COL12A1: variants seen among roughly 807,000 people sequenced by gnomAD.
COL12A1 encodes the protein collagen alpha-1(XII) chain.
In COL12A1, 114 loss-of-function variants were observed where a neutral mutation model predicts 349.7. The observed-to-expected ratio is 0.33, with a 90% CI of 0.28 to 0.38. The LOEUF (loss-of-function observed/expected upper bound fraction) is 0.38, where lower values mean the gene tolerates loss of function less well. COL12A1 is among the 10% of genes least tolerant of loss of function. The pLI is 1.00. For synonymous variants in COL12A1, 1,369 were observed against 1,329.0 expected (o/e 1.03, Z -0.66); for missense variants, 3,284 against 3,756.9 (o/e 0.87, Z 3.29).
At chr6:75,134,327 T>G (rs936888353) in intron 32 of COL12A1, among the ~76,000 whole-genome samples, 2 of 152,158 alleles carry the variant, frequency 1.3e-5, no homozygotes, top group Admixed American at 6.5e-5. Flanking sequence ...CTCAGCATTT[T>G]GGGAGCCCAA....
At chr6:75,182,685 C>A (rs1401385901) in intron 10 of COL12A1, among the ~76,000 whole-genome samples, 2 of 152,178 alleles carry the variant, frequency 1.3e-5, no homozygotes, top group Non-Finnish European at 2.9e-5. Context: ...ATTCTCTTCA[C>A]CTTTGAGTTG....
intron 7 of COL12A1, 147 bp downstream of exon 7, chr6:75,189,070 C>T (rs901646030): frequency 1.2e-6 from 1 of 844,204 alleles, no homozygotes; most frequent in East Asian, 2.8e-5. Flanking sequence ...TACTTAAAGA[C>T]AATTTAAGTC....
Position 75,183,740 on chromosome 6 carries a change from T to TAA in COL12A1, c.1289-89_1289-88insTT, listed in dbSNP as rs200264422. 3,590 of 1,417,138 alleles carry TAA rather than the reference T, an allele frequency of 2.5e-3. 44 individuals carry two copies. In the African/African-American group the frequency reaches 0.07, roughly 28 times the overall value. 87.8% of individuals were successfully genotyped at this position (1,417,138 alleles called of 1,614,324 possible). A position where few individuals can be genotyped will look rare whatever the true frequency, so the allele number is the denominator to read the frequency against. ...TAGCTTTCTTAGTAAGCGTGCTTCT[T>TAA]TAAAAAAAAAACTATTGCAAATATT... On this transcript the variant is annotated intron_variant, in intron 9 of 65. Coordinates refer to ENST00000322507, the MANE Select transcript of COL12A1 (RefSeq NM_004370.6).
intron 13 of COL12A1, among the ~76,000 whole-genome samples, chr6:75,169,604 G>GT (rs201608903): frequency 1.4e-3 from 219 of 151,766 alleles, no homozygotes; most frequent in African/African-American, 5.1e-3. Context: ...TTTGTTTAGG[G>GT]TTTTTTTTGA....
intron 35 of COL12A1, 69 bp from the exon 36 acceptor site, chr6:75,131,050 A>C: frequency 6.3e-7 from 1 of 1,586,308 alleles, no homozygotes; most frequent in East Asian, 2.2e-5. Context: ...TCAGTTAGTC[A>C]TCACAATAGT....
intron 31 of COL12A1, 103 bp from the exon 32 acceptor site, chr6:75,134,958 C>T: frequency 1.6e-6 from 2 of 1,266,026 alleles, no homozygotes; most frequent in South Asian, 2.1e-5. Context: ...AGACCCTTGT[C>T]AAGTTCCAGA....
At chr6:75,163,143 C>G (rs1245871550) in intron 14 of COL12A1, among the ~76,000 whole-genome samples, 1 of 152,090 alleles carries the variant, frequency 6.6e-6, no homozygotes, top group Non-Finnish European at 1.5e-5. Flanking sequence ...ACCAGTTGAC[C>G]CAGCAATCCC....
Position 75,183,845 on chromosome 6 carries a change from T to G in COL12A1, c.1288+9A>C. 2 of 1,613,484 alleles carry G rather than the reference T, an allele frequency of 1.2e-6. No individual in the cohort carries two copies. Among genetic ancestry groups the G allele is most frequent in the Non-Finnish European group, 1.7e-6 (2 of 1,179,474 alleles). ...TATTCCAAATACAATGATGCACACA[T>G]TGACTTACCCACTTGAACTTTCATT... is the stretch of plus-strand genomic sequence containing the variant. On this transcript the variant is annotated intron_variant, in intron 9 of 65. Transcript: ENST00000322507.
chr6:75,105,286 C>T lies in COL12A1; in HGVS notation c.8185G>A (p.Glu2729Lys), dbSNP rs200693552. ...TTTGGAAAAGCAGGGCATTTTCCCT[C>T]ATCTCTCTGAAATTTTGAAAAGAAT... ...RCCDIPSRRD[E>K]GKCPAFPNSC... Residue 2729 changes from glutamate (E) to lysine (K), a missense_variant, in exon 54 of 66, where the codon GAG becomes AAG. Physicochemically the swap from Glu to Lys is moderately conservative, Grantham distance 56. Coordinates refer to ENST00000322507, the MANE Select transcript of COL12A1 (RefSeq NM_004370.6). The T allele has an allele frequency of 9.8e-5, 158 of 1,613,268 alleles. No homozygotes were observed. In the African/African-American group the frequency reaches 1.9e-3, roughly 20 times the overall value.
chr6:75,105,891 A>C (rs1768520317), intron 53 of COL12A1, among the ~76,000 whole-genome samples: 1 of 152,182 alleles, frequency 6.6e-6, no homozygotes, highest in Non-Finnish European at 1.5e-5. Context: ...ATAGGTGCTC[A>C]ATAAATATTT....
At position 75,125,153 on chromosome 6, in the gene COL12A1, A is replaced by C. The variant is rs749458819; in HGVS notation, c.6581T>G (p.Val2194Gly). ...TGTAGTGCCTTGATCTGTCAAGGGG[A>C]CACTGAGTCCAGAATCATATTGAGC... is the stretch of plus-strand genomic sequence containing the variant. Reference protein sequence around the residue: ...VYAQYDSGLSVPLTDQGTTLY... With the variant: ...VYAQYDSGLSGPLTDQGTTLY... The change falls in exon 40 of 66, where the codon GTC becomes GGC. Residue 2194 changes from valine (V) to glycine (G), a missense_variant. Coordinates refer to ENST00000322507, the MANE Select transcript of COL12A1 (RefSeq NM_004370.6). 1.9e-6 allele frequency: 3 copies of C among 1,611,526 alleles called. No homozygotes were observed. The South Asian group carries it at 3.3e-5, about 18-fold the overall frequency.
intron 21 of COL12A1, among the ~76,000 whole-genome samples, chr6:75,149,067 C>T (rs1767350316): frequency 6.6e-6 from 1 of 152,174 alleles, no homozygotes; most frequent in Non-Finnish European, 1.5e-5. Flanking sequence ...CCTCCCCAGC[C>T]ACATGGAACT....
In COL12A1 at chr6:75,095,170, C is replaced by T. The variant is rs1767946260; in HGVS notation, c.8587G>A (p.Gly2863Ser). The change falls in exon 60 of 66, where the codon GGC (glycine) becomes AGC (serine). Residue 2863 changes from glycine to serine, a missense_variant. Around this residue, in one of 2 missense-constraint regions of COL12A1, gnomAD observed 683 missense variants for 932.1 expected, o/e 0.73. Coordinates refer to ENST00000322507, the MANE Select transcript of COL12A1 (RefSeq NM_004370.6). ...CTTGGTCCTGTGACTCCTGGGGAGC[C>T]TGGGCTTCCCTACAACACATGGAAA... ...RGPPGPPGSP[G>S]SPGVTGPSGK... 5 of 1,613,670 alleles carry T rather than the reference C, an allele frequency of 3.1e-6. No homozygotes were observed. The highest frequency in any genetic ancestry group is 4.2e-6 in the Non-Finnish European group (5 of 1,179,896).
chr6:75,176,396 T>TGGGAGAGTGATGCAGTGGGAGGA, intron 12 of COL12A1, among the ~76,000 whole-genome samples: 1 of 47,642 alleles, frequency 2.1e-5, no homozygotes, highest in South Asian at 6.0e-4. Context: ...CAGTGGGAGG[T>TGGGAGAGTGATGCAGTGGGAGGA]GGGAGAGTGA....
intron 49 of COL12A1, 57 bp from the exon 50 acceptor site, chr6:75,113,801 A>C: frequency 1.5e-6 from 2 of 1,340,840 alleles, no homozygotes; most frequent in Non-Finnish European, 2.0e-6. Context: ...GAAAGGAAGA[A>C]AGAAAGATTG....
chr6:75,108,115 T>TG (rs1768657156), intron 52 of COL12A1, among the ~76,000 whole-genome samples: 1 of 152,186 alleles, frequency 6.6e-6, no homozygotes, highest in Non-Finnish European at 1.5e-5. Context: ...GGTCTCAGTC[T>TG]GTCACCCAGG....
chr6:75,184,556 C>G (rs1202857448), intron 8 of COL12A1, among the ~76,000 whole-genome samples: 1 of 152,114 alleles, frequency 6.6e-6, no homozygotes, highest in African/African-American at 2.4e-5. Context: ...CTCTTAATAA[C>G]ATCATAAAAG....
intron 14 of COL12A1, among the ~76,000 whole-genome samples, chr6:75,162,881 C>T (rs910359497): frequency 6.6e-6 from 1 of 152,152 alleles, no homozygotes; most frequent in African/African-American, 2.4e-5. Flanking sequence ...CAAAAGAAGA[C>T]ATTTATGCAG....
At chr6:75,101,799 C>T (rs1768318088) in intron 57 of COL12A1, 146 bp from the exon 58 acceptor site, 1 of 995,830 alleles carries the variant, frequency 1.0e-6, no homozygotes. Context: ...GCCAAGCATA[C>T]AGTAGATGCT....
Sources: allele counts gnomAD v4.1 joint callset (sites outside exome capture counted in the v4.1 genomes callset), GRCh38; gene constraint gnomAD v4.1.1; regional missense constraint gnomAD v4.1.1; transcripts MANE v1.5; gene names NCBI Gene and HGNC (gene_info 2026-07-23, HGNC 2026-07-21).